ZC2HC1C: variants seen among roughly 807,000 people sequenced by gnomAD.
The protein encoded by ZC2HC1C is zinc finger C2HC domain-containing protein 1C.
Under a neutral mutation model 39.2 loss-of-function variants are expected in ZC2HC1C, and 25 were observed. That is an observed-to-expected ratio of 0.64 (90% CI 0.47 to 0.89). The LOEUF is 0.89. Among genes scored for constraint, ZC2HC1C ranks in the 40% least tolerant of loss-of-function variants. ZC2HC1C has a pLI of 0.00. For missense variants in ZC2HC1C, 519 were observed against 548.6 expected (o/e 0.95, Z 0.54); for synonymous variants, 209 against 214.4 (o/e 0.97, Z 0.22).
In ZC2HC1C at chr14:75,070,985, G is replaced by A. The variant is rs1415783998; in HGVS notation, c.412G>A (p.Ala138Thr). The A allele has an allele frequency of 6.2e-7, 1 of 1,614,182 alleles. No homozygotes were observed. The highest frequency in any genetic ancestry group is 8.5e-7 in the Non-Finnish European group (1 of 1,180,034). ...AAAGAAACGAGTTGGAGTGGACCGG[G>A]CGTTCCCATTGAAACCCATGGTCCA... ...FTKKRVGVDR[A>T]FPLKPMVHRK... The change falls in exon 2 of 3, where the codon GCG (alanine) becomes ACG (threonine). Residue 138 changes from alanine (A) to threonine (T), a missense_variant. Ala to Thr is a moderately conservative substitution (Grantham distance 58). Transcript: ENST00000524913.
intron 2 of ZC2HC1C, chr14:75,073,648 G>A: frequency 1.6e-6 from 2 of 1,288,092 alleles, no homozygotes; most frequent in Non-Finnish European, 2.0e-6. Context: ...GATTTTCCTG[G>A]TATCCTTTAA....
chr14:75,077,821 T>C lies in ZC2HC1C; in HGVS notation c.*257T>C. Reference sequence around the variant, plus strand: ...GCAGACAACAATGGAAACTTTTGGATAGTTCAGAAAGCTCTGCTTCTCTTC... The same window carrying C: ...GCAGACAACAATGGAAACTTTTGGACAGTTCAGAAAGCTCTGCTTCTCTTC... On this transcript the variant is annotated 3_prime_UTR_variant, in exon 3 of 3. Transcript: ENST00000524913. 1 of 499,760 alleles carries C rather than the reference T, an allele frequency of 2.0e-6. No individual in the cohort carries two copies. Among genetic ancestry groups the C allele is most frequent in the South Asian group, 2.5e-5 (1 of 39,978 alleles). 31.0% of individuals were successfully genotyped at this position (499,760 alleles called of 1,614,324 possible).
rs149535810 is a variant in ZC2HC1C, at chr14:75,071,465, A to G, written c.892A>G (p.Arg298Gly). 3.1e-6 allele frequency: 5 copies of G among 1,614,202 alleles called. No homozygotes were observed. In the African/African-American group the frequency reaches 5.3e-5, roughly 17 times the overall value. Residue 298 changes from arginine to glycine, a missense_variant, in exon 2 of 3, where the codon AGA becomes GGA. By Grantham distance (125) the Arg-to-Gly change is moderately radical. Transcript: ENST00000524913. ...PEFEFEEEFS[R>G]DRREDETWGR... ...ATTTGAGTTTGAGGAAGAATTTAGT[A>G]GAGACAGGAGAGAGGATGAAACTTG...
At position 75,071,355 on chromosome 14, in the gene ZC2HC1C, G is replaced by C. The variant is rs1214352232; in HGVS notation, c.782G>C (p.Gly261Ala). ...QKEQAKENEN[G>A]ELQKIILPRS... is the part of the protein sequence containing the mutation. ...GAACAGGCCAAGGAAAATGAAAACG[G>C]AGAGCTACAGAAAATTATACTCCCC... is the stretch of plus-strand genomic sequence containing the variant. The change falls in exon 2 of 3, where the codon GGA becomes GCA. Residue 261 changes from glycine to alanine, a missense_variant. Physicochemically the swap from Gly to Ala is moderately conservative, Grantham distance 60 (BLOSUM62 0). Transcript: ENST00000524913. 6.2e-7 allele frequency: 1 copy of C among 1,613,842 alleles called. No individual in the cohort carries two copies. Among genetic ancestry groups the C allele is most frequent in the African/African-American group, 1.3e-5 (1 of 74,852 alleles).
intron 2 of ZC2HC1C, among the ~76,000 whole-genome samples, chr14:75,073,259 GATA>G (rs926110850): frequency 2.0e-5 from 3 of 152,178 alleles, no homozygotes; most frequent in African/African-American, 4.8e-5. Context: ...TGCTCTTGCA[GATA>G]ATAATATGAT....
rs1010514333 is a variant in ZC2HC1C, at chr14:75,077,528, A to G, written c.1339-4A>G. ...GAATGATCAGTCTCCCTTTTACATT[A>G]CAGGCTGAACCTCCTCAGAAGAGCA... On this transcript the variant is annotated splice_polypyrimidine_tract_variant and splice_region_variant and intron_variant, in intron 2 of 2. Coordinates refer to ENST00000524913, the MANE Select transcript of ZC2HC1C (RefSeq NM_024643.4). 8.1e-6 allele frequency: 13 copies of G among 1,614,210 alleles called. No individual in the cohort carries two copies. Among genetic ancestry groups the G allele is most frequent in the Non-Finnish European group, 1.1e-5 (13 of 1,180,032 alleles).
intron 1 of ZC2HC1C, 54 bp from the exon 2 acceptor site, chr14:75,070,501 G>A (rs572833946): frequency 4.6e-6 from 7 of 1,524,592 alleles, no homozygotes; most frequent in South Asian, 1.3e-5. Flanking sequence ...TTTAGCAGCC[G>A]AGAGTGAACC....
In ZC2HC1C at chr14:75,078,388, T is replaced by C. The variant is rs979167118; in HGVS notation, c.*824T>C. 3 of 152,138 alleles carry C rather than the reference T, an allele frequency of 2.0e-5. No individual in the cohort carries two copies. Among genetic ancestry groups the C allele is most frequent in the Non-Finnish European group, 2.9e-5 (2 of 68,030 alleles). The allele number at this position is 152,138 out of a possible 1,614,324, so 9.4% of individuals were successfully genotyped here. A position where few individuals can be genotyped will look rare whatever the true frequency, so the allele number is the denominator to read the frequency against. On this transcript the variant is annotated 3_prime_UTR_variant, in exon 3 of 3. Coordinates refer to ENST00000524913, the MANE Select transcript of ZC2HC1C (RefSeq NM_024643.4). ...ACCAATGTCTCCTAAACCTTCCCTA[T>C]GGTGTACTGTGTAATAAAGGAAAGA...
Position 75,070,863 on chromosome 14 carries a change from A to C in ZC2HC1C, c.290A>C (p.Glu97Ala), listed in dbSNP as rs1333792517. Residue 97 changes from glutamate (E) to alanine (A), a missense_variant, in exon 2 of 3, where the codon GAA (glutamate) becomes GCA (alanine). Coordinates refer to ENST00000524913, the MANE Select transcript of ZC2HC1C (RefSeq NM_024643.4). The part of the protein sequence containing the change: ...HCTGISQQDP[E>A]SDSQGQGNGL... ...ACTGGAATCAGCCAGCAAGATCCAG[A>C]AAGTGATTCCCAGGGCCAAGGAAAT... 1 of 1,614,254 alleles carries C rather than the reference A, an allele frequency of 6.2e-7. No individual in the cohort carries two copies. Among genetic ancestry groups the C allele is most frequent in the Admixed American group, 1.7e-5 (1 of 60,036 alleles).
In ZC2HC1C at chr14:75,077,852, T is replaced by C. The variant is rs1406242011; in HGVS notation, c.*288T>C. On this transcript the variant is annotated 3_prime_UTR_variant, in exon 3 of 3. Transcript: ENST00000524913. ...AGAAAGCTCTGCTTCTCTTCAGCAG[T>C]AAATGGGAGTAGAATTTGATGCAAA... The C allele has an allele frequency of 8.1e-6, 3 of 369,942 alleles. No individual in the cohort carries two copies. Among genetic ancestry groups the C allele is most frequent in the Non-Finnish European group, 1.5e-5 (3 of 202,926 alleles). 22.9% of individuals were successfully genotyped at this position (369,942 alleles called of 1,614,324 possible).
In ZC2HC1C at chr14:75,071,057, A is replaced by G; in HGVS notation, c.484A>G (p.Asn162Asp). Residue 162 changes from asparagine to aspartate, a missense_variant, in exon 2 of 3, where the codon AAT becomes GAT. Transcript: ENST00000524913. ...TGEAGTDGDHNVYPRPPEPRE... is the reference protein window; with the variant it reads ...TGEAGTDGDHDVYPRPPEPRE... ...TGAGGCTGGCACTGATGGGGACCAT[A>G]ATGTCTACCCAAGGCCCCCTGAGCC... The G allele has an allele frequency of 1.2e-6, 2 of 1,614,180 alleles. No homozygotes were observed. Among genetic ancestry groups the G allele is most frequent in the African/African-American group, 1.3e-5 (1 of 75,042 alleles).
At chr14:75,076,060 TAACAAC>T (rs530205810) in intron 2 of ZC2HC1C, among the ~76,000 whole-genome samples, 1 of 151,844 alleles carries the variant, frequency 6.6e-6, no homozygotes, top group Non-Finnish European at 1.5e-5. Flanking sequence ...CCATCTCAAA[TAACAAC>T]AACAACAAAA....
rs1893809992 is a variant in ZC2HC1C at position 75,079,615 on chromosome 14, C to T, written c.*2051C>T. 1.3e-5 allele frequency: 2 copies of T among 152,236 alleles called. No homozygotes were observed. Among genetic ancestry groups the T allele is most frequent in the African/African-American group, 4.8e-5 (2 of 41,458 alleles). The allele number at this position is 152,236 out of a possible 1,614,324, so 9.4% of individuals were successfully genotyped here. Reference sequence around the variant, plus strand: ...TTTGCTCCACAGATGTTTTATTTCGCTGGCCTAGCATTCATAATATGATCT... The same window carrying T: ...TTTGCTCCACAGATGTTTTATTTCGTTGGCCTAGCATTCATAATATGATCT... On this transcript the variant is annotated 3_prime_UTR_variant, in exon 3 of 3. Coordinates refer to ENST00000524913, the MANE Select transcript of ZC2HC1C (RefSeq NM_024643.4).
In ZC2HC1C at chr14:75,075,617, CT is replaced by C. The variant is rs1055848004; in HGVS notation, c.1339-1906del. Among the ~76,000 whole-genome samples the C allele has an allele frequency of 7.3e-5, 11 of 151,482 alleles. No homozygotes were observed. The South Asian group carries it at 8.3e-4, about 11-fold the overall frequency. On this transcript the variant is annotated intron_variant, in intron 2 of 2. Coordinates refer to ENST00000524913, the MANE Select transcript of ZC2HC1C (RefSeq NM_024643.4). ...TGATTCCTGTTCCATTACAAGAAAC[CT>C]TTTTTTTTAAAAGGCTACGGGATTC...
chr14:75,075,780 G>A (rs1893639028), intron 2 of ZC2HC1C, among the ~76,000 whole-genome samples: 1 of 152,198 alleles, frequency 6.6e-6, no homozygotes, highest in Non-Finnish European at 1.5e-5. Context: ...CTCCTCACCA[G>A]GTGCTGTGGC....
rs575930144 is a variant in ZC2HC1C, at chr14:75,073,572, G to GC, written c.1338+1662dup. The GC allele has an allele frequency of 6.1e-5, 78 of 1,289,242 alleles. No individual in the cohort carries two copies. The African/African-American group carries it at 1.2e-3, about 19-fold the overall frequency. 79.9% of individuals were successfully genotyped at this position (1,289,242 alleles called of 1,614,324 possible). On this transcript the variant is annotated intron_variant, in intron 2 of 2. Coordinates refer to ENST00000524913, the MANE Select transcript of ZC2HC1C (RefSeq NM_024643.4). ...AATGTCTCAAATCTTATTCCACAGT[G>GC]CTGTGCCTTTGGAAGCTGAGTGGTT...
rs543141028 is a variant in ZC2HC1C at position 75,078,859 on chromosome 14, G to T, written c.*1295G>T. 3.3e-5 allele frequency: 5 copies of T among 152,324 alleles called. No homozygotes were observed. The highest frequency in any genetic ancestry group is 1.2e-4 in the African/African-American group (5 of 41,576). 9.4% of individuals were successfully genotyped at this position (152,324 alleles called of 1,614,324 possible). On this transcript the variant is annotated 3_prime_UTR_variant, in exon 3 of 3. Coordinates refer to ENST00000524913, the MANE Select transcript of ZC2HC1C (RefSeq NM_024643.4). The stretch of plus-strand genomic sequence containing the variant: ...AAATCTTTTTAATTTTCTCTGTGTA[G>T]AATATTGCCTAGCACAAGTTAGACC...
rs1056661923 is a variant in ZC2HC1C, at chr14:75,078,180, T to G, written c.*616T>G. The G allele has an allele frequency of 6.6e-6, 1 of 152,380 alleles. No homozygotes were observed. Among genetic ancestry groups the G allele is most frequent in the Admixed American group, 6.5e-5 (1 of 15,298 alleles). 9.4% of individuals were successfully genotyped at this position (152,380 alleles called of 1,614,324 possible). A position where few individuals can be genotyped will look rare whatever the true frequency, so the allele number is the denominator to read the frequency against. ...TATGTTCAGAGTTCCTGTTAACTCT[T>G]GCTTTTGTAGAAGCTGGAGTTATTA... On this transcript the variant is annotated 3_prime_UTR_variant, in exon 3 of 3. Coordinates refer to ENST00000524913, the MANE Select transcript of ZC2HC1C (RefSeq NM_024643.4).
In ZC2HC1C at chr14:75,077,699, T is replaced by C; in HGVS notation, c.*135T>C. 2 of 1,056,952 alleles carry C rather than the reference T, an allele frequency of 1.9e-6. No individual in the cohort carries two copies. Among genetic ancestry groups the C allele is most frequent in the Non-Finnish European group, 2.8e-6 (2 of 714,940 alleles). The allele number at this position is 1,056,952 out of a possible 1,614,324, so 65.5% of individuals were successfully genotyped here. A position where few individuals can be genotyped will look rare whatever the true frequency, so the allele number is the denominator to read the frequency against. On this transcript the variant is annotated 3_prime_UTR_variant, in exon 3 of 3. Transcript: ENST00000524913. ...CAGACTGCATTCAGTGTCCTCAGTG[T>C]AGCCACCACTTTGCTCCCAAGGTGG...
Sources: allele counts gnomAD v4.1 joint callset (sites outside exome capture counted in the v4.1 genomes callset), GRCh38; gene constraint gnomAD v4.1.1; transcripts MANE v1.5; gene names NCBI Gene and HGNC (gene_info 2026-07-23, HGNC 2026-07-21).